Variants in NRG3 observed in about 807,000 individuals in gnomAD.
NRG3 encodes the protein neuregulin 3, also known as pro-neuregulin-3, membrane-bound isoform.
A neutral mutation model predicts 66.9 loss-of-function variants in NRG3; 31 were observed. That is an observed-to-expected ratio of 0.46 (90% confidence interval 0.35 to 0.63). The LOEUF is 0.63. Among genes scored for constraint, NRG3 ranks in the 20% least tolerant of loss-of-function variants. NRG3 has a pLI of 0.00. For missense variants in NRG3, 910 were observed against 878.9 expected, an observed-to-expected ratio of 1.04 and a Z score of -0.45; for synonymous variants, 393 against 359.4, an observed-to-expected ratio of 1.09 and a Z score of -1.06.
intron 2 of NRG3, among the ~76,000 whole-genome samples, chr10:82,700,745 T>A (rs1303714647): frequency 6.6e-6 from 1 of 152,114 alleles, no homozygotes; most frequent in Non-Finnish European, 1.5e-5. Flanking sequence ...GTTCTTTGTG[T>A]CTACATCCTG....
chr10:82,507,543 C>T (rs563426403), intron 2 of NRG3, among the ~76,000 whole-genome samples: 3 of 152,174 alleles, frequency 2.0e-5, no homozygotes, highest in Non-Finnish European at 2.9e-5. Context: ...AAGCCTGTAG[C>T]TGGAGTGTGT....
chr10:82,965,305 G>A (rs577771754), intron 6 of NRG3, among the ~76,000 whole-genome samples: 1 of 152,152 alleles, frequency 6.6e-6, no homozygotes, highest in African/African-American at 2.4e-5. Context: ...CATTGTAGAG[G>A]ATGCTAATAG....
At chr10:82,217,540 C>A (rs529281216) in intron 1 of NRG3, among the ~76,000 whole-genome samples, 1 of 152,160 alleles carries the variant, frequency 6.6e-6, no homozygotes, top group African/African-American at 2.4e-5. Flanking sequence ...GGGCAACACT[C>A]CTGAATCAGT....
At chr10:82,223,678 C>CACACAT (rs1476191975) in intron 1 of NRG3, among the ~76,000 whole-genome samples, 1 of 135,480 alleles carries the variant, frequency 7.4e-6, no homozygotes, top group African/African-American at 2.8e-5. Context: ...CACACACACA[C>CACACAT]ACACATACAC....
chr10:82,147,041 A>G (rs2070316200), intron 1 of NRG3, among the ~76,000 whole-genome samples: 1 of 152,194 alleles, frequency 6.6e-6, no homozygotes, highest in Non-Finnish European at 1.5e-5. Flanking sequence ...CTCCTGAGGA[A>G]TTTCCAGACT....
chr10:82,667,340 C>T (rs1372062940), intron 2 of NRG3, among the ~76,000 whole-genome samples: 1 of 152,072 alleles, frequency 6.6e-6, no homozygotes, highest in Non-Finnish European at 1.5e-5. Flanking sequence ...TTTCATGCCT[C>T]GGGTGTGAGG....
intron 1 of NRG3, among the ~76,000 whole-genome samples, chr10:82,268,262 G>A (rs2078408986): frequency 6.6e-6 from 1 of 152,080 alleles, no homozygotes; most frequent in Admixed American, 6.6e-5. Context: ...AGAAAACTGA[G>A]GCTTCACACT....
At chr10:82,437,162 T>C (rs1473011987) in intron 2 of NRG3, among the ~76,000 whole-genome samples, 3 of 152,122 alleles carry the variant, frequency 2.0e-5, no homozygotes, top group African/African-American at 7.2e-5. Flanking sequence ...CCCTTCTCCT[T>C]CTGGTACTCC....
chr10:82,650,614 G>A lies in NRG3; in HGVS notation c.954-87963G>A, dbSNP rs528691667. On this transcript the variant is annotated intron_variant, in intron 2 of 8. Coordinates refer to ENST00000372141, the MANE Select transcript of NRG3 (RefSeq NM_001010848.4). ...TTCAGTAGGTTGCTACTGATTGCAT[G>A]TCATGGAATGCTGGGCCATGCATCC... Among the ~76,000 whole-genome samples the A allele has an allele frequency of 2.0e-5, 3 of 152,340 alleles. No individual in the cohort carries two copies. In the South Asian group the frequency reaches 6.2e-4, roughly 32 times the overall value.
chr10:82,607,768 T>TCCAGTAGTA (rs2048055982), intron 2 of NRG3, among the ~76,000 whole-genome samples: 1 of 152,080 alleles, frequency 6.6e-6, no homozygotes, highest in South Asian at 2.1e-4. Context: ...CTGTAGTAGT[T>TCCAGTAGTA]GCCCTGGAGT....
At chr10:82,244,677 CA>C (rs1417444664) in intron 1 of NRG3, among the ~76,000 whole-genome samples, 7 of 151,598 alleles carry the variant, frequency 4.6e-5, no homozygotes, top group African/African-American at 1.2e-4. Context: ...TTTCACAGGC[CA>C]GGGGGTACTG....
At chr10:82,152,669 C>G (rs748313711) in intron 1 of NRG3, among the ~76,000 whole-genome samples, 5 of 151,734 alleles carry the variant, frequency 3.3e-5, no homozygotes, top group Non-Finnish European at 7.4e-5. Flanking sequence ...TAATTCCCAT[C>G]TCACAATTTT....
At chr10:82,219,263 C>A (rs1025081826) in intron 1 of NRG3, among the ~76,000 whole-genome samples, 5 of 146,306 alleles carry the variant, frequency 3.4e-5, no homozygotes, top group Admixed American at 7.0e-5. Flanking sequence ...CTTCTCTAGC[C>A]TCTACATACT....
chr10:82,835,296 A>G (rs2062718704), intron 3 of NRG3, among the ~76,000 whole-genome samples: 2 of 152,166 alleles, frequency 1.3e-5, no homozygotes, highest in African/African-American at 2.4e-5. Flanking sequence ...AGGAAATTTC[A>G]TATAACTGGG....
At chr10:82,038,368 A>T (rs1051770527) in intron 1 of NRG3, among the ~76,000 whole-genome samples, 5 of 152,074 alleles carry the variant, frequency 3.3e-5, no homozygotes, top group African/African-American at 1.2e-4. Context: ...CTAACCCTTT[A>T]TCATAAGATG....
chr10:82,750,655 G>T (rs930402336), intron 3 of NRG3, among the ~76,000 whole-genome samples: 1 of 151,992 alleles, frequency 6.6e-6, no homozygotes, highest in African/African-American at 2.4e-5. Flanking sequence ...TAATTTTATG[G>T]TTGAGGCAAC....
chr10:82,631,693 T>G (rs539138994), intron 2 of NRG3, among the ~76,000 whole-genome samples: 4 of 151,672 alleles, frequency 2.6e-5, no homozygotes, highest in Admixed American at 2.6e-4. Context: ...GATAGCCCCA[T>G]GCAGCCTCTG....
chr10:82,155,129 A>G (rs1172559038), intron 1 of NRG3, among the ~76,000 whole-genome samples: 3 of 151,816 alleles, frequency 2.0e-5, no homozygotes, highest in Non-Finnish European at 4.4e-5. Context: ...CTCTGATACA[A>G]AACGATTTTA....
At chr10:82,482,053 A>G (rs1172106600) in intron 2 of NRG3, among the ~76,000 whole-genome samples, 1 of 152,162 alleles carries the variant, frequency 6.6e-6, no homozygotes, top group Non-Finnish European at 1.5e-5. Flanking sequence ...GCTTAGCTCA[A>G]TGCCTGTATC....
Sources: allele counts gnomAD v4.1 joint callset (sites outside exome capture counted in the v4.1 genomes callset), GRCh38; gene constraint gnomAD v4.1.1; transcripts MANE v1.5; gene names NCBI Gene and HGNC (gene_info 2026-07-23, HGNC 2026-07-21).